The following STXBP5L variants were observed in gnomAD, a reference collection of about 807,000 sequenced individuals.
STXBP5L encodes the protein syntaxin-binding protein 5-like.
In STXBP5L, 65 loss-of-function variants were observed where a neutral mutation model predicts 144.5. The observed-to-expected ratio is 0.45, with a 90% CI of 0.37 to 0.55. The LOEUF (loss-of-function observed/expected upper bound fraction) is 0.55, where lower values mean the gene tolerates loss of function less well. Among genes scored for constraint, STXBP5L ranks in the 20% least tolerant of loss-of-function variants. The pLI is 0.00. For missense variants in STXBP5L, 1,298 were observed against 1,405.5 expected (o/e 0.92, Z 1.22); for synonymous variants, 505 against 469.6 (o/e 1.08, Z -0.97).
intron 18 of STXBP5L, among the ~76,000 whole-genome samples, chr3:121,273,501 CTGTT>C (rs1172153127): frequency 1.3e-5 from 2 of 151,948 alleles, no homozygotes; most frequent in Non-Finnish European, 2.9e-5. Context: ...TGGATTGAAT[CTGTT>C]TGGGAACCTT....
At chr3:120,995,012 T>G (rs1434586832) in intron 3 of STXBP5L, among the ~76,000 whole-genome samples, 1 of 152,182 alleles carries the variant, frequency 6.6e-6, no homozygotes, top group African/African-American at 2.4e-5. Context: ...GGAGGTTTTA[T>G]GTAACCAGGA....
At chr3:121,060,867 CTTT>C (rs1302264365) in intron 5 of STXBP5L, among the ~76,000 whole-genome samples, 1 of 152,046 alleles carries the variant, frequency 6.6e-6, no homozygotes, top group Non-Finnish European at 1.5e-5. Flanking sequence ...TTCTCTTCTT[CTTT>C]ATTAGTCTGG....
At chr3:121,034,112 A>T (rs1946581258) in intron 3 of STXBP5L, among the ~76,000 whole-genome samples, 1 of 152,116 alleles carries the variant, frequency 6.6e-6, no homozygotes, top group Non-Finnish European at 1.5e-5. Context: ...TATAAACAAA[A>T]CATAAAACCA....
chr3:121,032,355 G>C (rs1464433090), intron 3 of STXBP5L, among the ~76,000 whole-genome samples: 1 of 151,970 alleles, frequency 6.6e-6, no homozygotes, highest in South Asian at 2.1e-4. Flanking sequence ...TTGCAATAGG[G>C]ATCAAATTAG....
intron 3 of STXBP5L, among the ~76,000 whole-genome samples, chr3:121,005,168 A>G (rs1313069532): frequency 6.6e-6 from 1 of 152,126 alleles, no homozygotes; most frequent in Non-Finnish European, 1.5e-5. Flanking sequence ...TTGGCTGTGA[A>G]TCCATCTGGT....
chr3:121,244,700 A>C (rs574521945), intron 14 of STXBP5L, among the ~76,000 whole-genome samples: 2 of 152,180 alleles, frequency 1.3e-5, no homozygotes, highest in Non-Finnish European at 2.9e-5. Context: ...AGTTCTTATC[A>C]CATGCAAGGA....
At chr3:121,401,565 TA>T (rs893145826) in intron 22 of STXBP5L, among the ~76,000 whole-genome samples, 3 of 141,900 alleles carry the variant, frequency 2.1e-5, no homozygotes, top group Non-Finnish European at 4.5e-5. Flanking sequence ...TATACAGCCA[TA>T]AAAAATGATG....
chr3:121,151,541 A>G (rs1282077485), intron 7 of STXBP5L, among the ~76,000 whole-genome samples: 1 of 152,158 alleles, frequency 6.6e-6, no homozygotes, highest in African/African-American at 2.4e-5. Flanking sequence ...GGTTATCACC[A>G]CCACTATATT....
intron 2 of STXBP5L, among the ~76,000 whole-genome samples, chr3:120,918,379 T>G (rs9855929): frequency 0.099 from 15,125 of 152,216 alleles, 1,186 homozygotes; most frequent in Admixed American, 0.2. Flanking sequence ...TCACCTGTTT[T>G]TGTTTTTTGA....
intron 19 of STXBP5L, among the ~76,000 whole-genome samples, chr3:121,310,719 G>A (rs1485757126): frequency 6.6e-6 from 1 of 151,460 alleles, no homozygotes; most frequent in East Asian, 1.9e-4. Context: ...GACCAGCCTG[G>A]CCAACATGGT....
At chr3:121,095,078 T>C (rs1313918956) in intron 5 of STXBP5L, among the ~76,000 whole-genome samples, 2 of 152,354 alleles carry the variant, frequency 1.3e-5, no homozygotes, top group South Asian at 4.1e-4. Flanking sequence ...AATTCTGGGT[T>C]GAAAATTCTT....
chr3:121,367,605 T>TG (rs1482212984), intron 20 of STXBP5L, among the ~76,000 whole-genome samples: 1 of 139,708 alleles, frequency 7.2e-6, no homozygotes, highest in Non-Finnish European at 1.5e-5. Context: ...GTTTTTTTTT[T>TG]TTTTTTTTTT....
chr3:121,368,880 C>A (rs2045945314), intron 20 of STXBP5L, among the ~76,000 whole-genome samples: 1 of 152,102 alleles, frequency 6.6e-6, no homozygotes, highest in South Asian at 2.1e-4. Context: ...AATGGAGTGG[C>A]AGTGGAGCTT....
At chr3:120,933,320 A>G (rs1324501871) in intron 2 of STXBP5L, among the ~76,000 whole-genome samples, 3 of 152,176 alleles carry the variant, frequency 2.0e-5, no homozygotes, top group Non-Finnish European at 4.4e-5. Context: ...ACTATGCAAC[A>G]TTAGCTGACG....
At chr3:121,067,663 T>C (rs2107650556) in intron 5 of STXBP5L, among the ~76,000 whole-genome samples, 1 of 152,320 alleles carries the variant, frequency 6.6e-6, no homozygotes. Flanking sequence ...AAATTCTTAC[T>C]AATTTGTTTG....
At chr3:121,223,432 C>A (rs1350957102) in intron 11 of STXBP5L, among the ~76,000 whole-genome samples, 1 of 152,072 alleles carries the variant, frequency 6.6e-6, no homozygotes. Context: ...TGATAAGGGT[C>A]CAGGGTGAAA....
intron 5 of STXBP5L, among the ~76,000 whole-genome samples, chr3:121,068,939 G>T (rs962357279): frequency 5.9e-5 from 9 of 152,026 alleles, no homozygotes; most frequent in Non-Finnish European, 1.0e-4. Context: ...GTAGGAAGTT[G>T]CAAAACTAGT....
chr3:121,340,394 A>G (rs940997529), intron 20 of STXBP5L, among the ~76,000 whole-genome samples: 2 of 152,010 alleles, frequency 1.3e-5, no homozygotes, highest in African/African-American at 4.8e-5. Context: ...GGTTTGTTCC[A>G]TAGGTATACA....
intron 3 of STXBP5L, among the ~76,000 whole-genome samples, chr3:121,006,541 C>T (rs1440804008): frequency 3.3e-5 from 5 of 152,086 alleles, no homozygotes; most frequent in Non-Finnish European, 7.4e-5. Context: ...GGGCATTTAG[C>T]CCATTTACAT....
Sources: allele counts gnomAD v4.1 joint callset (sites outside exome capture counted in the v4.1 genomes callset), GRCh38; gene constraint gnomAD v4.1.1; transcripts MANE v1.5; gene names NCBI Gene and HGNC (gene_info 2026-07-23, HGNC 2026-07-21).